Variants in NCAPD3 observed in about 807,000 individuals in gnomAD.
NCAPD3 encodes condensin-2 complex subunit D3.
A neutral mutation model predicts 182.9 loss-of-function variants in NCAPD3; 105 were observed. The ratio of observed to expected loss-of-function variants is 0.57; its 90% confidence interval spans 0.49 to 0.68. The LOEUF is 0.68. Among genes scored for constraint, NCAPD3 ranks in the 30% least tolerant of loss-of-function variants. The probability of loss-of-function intolerance (pLI) is 0.00; values close to 1 mark genes in which losing one functional copy is unlikely to be tolerated. For missense variants in NCAPD3, 1,944 were observed against 1,837.0 expected (o/e 1.06, Z -1.07); for synonymous variants, 815 against 679.9 (o/e 1.20, Z -3.09).
Position 134,159,964 on chromosome 11 carries a change from C to G in NCAPD3, c.3795G>C (p.Gln1265His). The change falls in exon 29 of 35, where the codon CAG becomes CAC. Residue 1265 changes from glutamine (Q) to histidine (H), a missense_variant. This residue lies in a region of NCAPD3 where 1,803 missense variants were observed against 1,674.6 expected (regional missense o/e 1.08). Coordinates refer to ENST00000534548, the MANE Select transcript of NCAPD3 (RefSeq NM_015261.3). ...CTGCATGTTTTGCTAGCTCCTGCTCCTGGACCAGCTGTTCCTGGTACTTCT... is the reference window on the plus strand; with the variant it reads ...CTGCATGTTTTGCTAGCTCCTGCTCGTGGACCAGCTGTTCCTGGTACTTCT... The part of the protein sequence containing the change: ...DMKKYQEQLV[Q>H]EQELAKHADV... 6.2e-7 allele frequency: 1 copy of G among 1,614,140 alleles called. No homozygotes were observed. Among genetic ancestry groups the G allele is most frequent in the Non-Finnish European group, 8.5e-7 (1 of 1,180,040 alleles).
intron 22 of NCAPD3, 171 bp from the exon 23 acceptor site, chr11:134,177,628 T>G: frequency 1.6e-6 from 1 of 608,100 alleles, no homozygotes; most frequent in South Asian, 2.1e-5. Context: ...TCTTGAATAG[T>G]CGAATAAAAA....
intron 7 of NCAPD3, among the ~76,000 whole-genome samples, chr11:134,207,333 A>G (rs1937638327): frequency 6.6e-6 from 1 of 152,178 alleles, no homozygotes; most frequent in African/African-American, 2.4e-5. Context: ...CAGGACATGT[A>G]TAATTTCCAC....
chr11:134,191,811 AATGAG>A (rs1471280527), intron 16 of NCAPD3, among the ~76,000 whole-genome samples: 1 of 152,192 alleles, frequency 6.6e-6, no homozygotes, highest in African/African-American at 2.4e-5. Context: ...GCATATACTT[AATGAG>A]ATATCTTGGG....
At chr11:134,158,647 C>T in intron 29 of NCAPD3, 152 bp from the exon 30 acceptor site, 1 of 766,322 alleles carries the variant, frequency 1.3e-6, no homozygotes, top group East Asian at 2.7e-5. Context: ...GCATCTCCAT[C>T]ACCTCAAACG....
chr11:134,216,394 G>C (rs1938023218), intron 3 of NCAPD3, among the ~76,000 whole-genome samples: 1 of 152,198 alleles, frequency 6.6e-6, no homozygotes. Flanking sequence ...GTAGGGAAGA[G>C]AATGGATTTC....
chr11:134,224,284 C>T (rs910443207), upstream of NCAPD3: 11 of 355,888 alleles, frequency 3.1e-5, no homozygotes, highest in Non-Finnish European at 5.2e-5. Flanking sequence ...TAGTAACTGT[C>T]ACCTTTGCCC....
At chr11:134,153,449 G>T in intron 32 of NCAPD3, 86 bp from the exon 33 acceptor site, 2 of 1,381,728 alleles carry the variant, frequency 1.4e-6, no homozygotes, top group Non-Finnish European at 2.1e-6. Flanking sequence ...CGTAGGCAGG[G>T]TGTCCACATC....
Position 134,168,979 on chromosome 11 carries a change from A to G in NCAPD3, c.3177T>C (p.Cys1059=). Residue 1059 remains cysteine (C), a synonymous_variant, in exon 25 of 35, where the codon TGT becomes TGC. Transcript: ENST00000534548. ...TCTCATAGTTATTAAAGTGAAAAAT[A>G]CATTCAATGAAGTGTTGGAAGAACA... The part of the protein sequence containing the change: ...PVMFFQHFIE[C]IFHFNNYEKH... 15 of 1,614,034 alleles carry G rather than the reference A, an allele frequency of 9.3e-6. No individual in the cohort carries two copies. Among genetic ancestry groups the G allele is most frequent in the Non-Finnish European group, 1.2e-5 (14 of 1,179,900 alleles).
At chr11:134,216,618 T>C (rs968620064) in intron 3 of NCAPD3, among the ~76,000 whole-genome samples, 1 of 152,096 alleles carries the variant, frequency 6.6e-6, no homozygotes, top group African/African-American at 2.4e-5. Flanking sequence ...AGACAAGGAA[T>C]CATGAGAAGA....
chr11:134,183,584 G>C (rs1166636256), intron 19 of NCAPD3, among the ~76,000 whole-genome samples: 1 of 151,986 alleles, frequency 6.6e-6, no homozygotes, highest in Non-Finnish European at 1.5e-5. Flanking sequence ...AAAAATAAAA[G>C]TTTGTCATAT....
intron 22 of NCAPD3, 40 bp from the exon 23 acceptor site, chr11:134,177,497 A>C (rs1944198921): frequency 6.4e-7 from 1 of 1,556,918 alleles, no homozygotes; most frequent in Admixed American, 1.7e-5. Context: ...CTGTATTCTA[A>C]ATCCTAATTC....
rs1337376777 is a variant in NCAPD3 at position 134,150,536 on chromosome 11, A to G, written c.*2408T>C. On this transcript the variant is annotated 3_prime_UTR_variant, in exon 35 of 35. Coordinates refer to ENST00000534548, the MANE Select transcript of NCAPD3 (RefSeq NM_015261.3). ...CATCCAGCACAGCTCTCAGGTGGGC[A>G]CTGCAGGGACACTGGTGTCTTCCAT... The G allele has an allele frequency of 1.3e-5, 2 of 152,086 alleles. No homozygotes were observed. The highest frequency in any genetic ancestry group is 2.9e-5 in the Non-Finnish European group (2 of 68,030). The allele number at this position is 152,086 out of a possible 1,614,324, so 9.4% of individuals were successfully genotyped here.
intron 16 of NCAPD3, among the ~76,000 whole-genome samples, chr11:134,189,423 C>T (rs1031710523): frequency 4.6e-5 from 7 of 152,184 alleles, no homozygotes; most frequent in Non-Finnish European, 7.4e-5. Context: ...TTTAACGTTA[C>T]ACATTTCCTT....
Position 134,209,312 on chromosome 11 carries a change from C to T in NCAPD3, c.732+1G>A. On this transcript the variant is annotated splice_donor_variant, in intron 5 of 34. Transcript: ENST00000534548. LOFTEE classifies it high-confidence loss of function. ...CTAAGGTTCCTGGAATTTTCACTTA[C>T]CTCTATACAATTCTGTACACATTGT... 1 of 1,612,200 alleles carries T rather than the reference C, an allele frequency of 6.2e-7. No homozygotes were observed. Among genetic ancestry groups the T allele is most frequent in the Non-Finnish European group, 8.5e-7 (1 of 1,179,488 alleles).
At chr11:134,184,845 ACAC>A (rs1161668231) in intron 18 of NCAPD3, 55 bp downstream of exon 18, 3 of 1,336,620 alleles carry the variant, frequency 2.2e-6, no homozygotes, top group Non-Finnish European at 3.2e-6. Context: ...ACACACACAC[ACAC>A]ACCTGAAATG....
intron 13 of NCAPD3, 42 bp from the exon 14 acceptor site, chr11:134,194,780 G>T (rs12573858): frequency 0.097 from 135,562 of 1,399,810 alleles, 7,040 homozygotes; most frequent in Admixed American, 0.12. Flanking sequence ...CTGGAGAAAA[G>T]TCACACAGCA....
chr11:134,203,817 A>G lies in NCAPD3; in HGVS notation c.1305T>C (p.His435=). The part of the protein sequence containing the change: ...REVDNTLSLE[H]QKFLKHKFLV... ...GGAACTTATGCTTTAAGAACTTCTG[A>G]TGCTCCAAGGAGAGGGTGTTATCCA... The change falls in exon 11 of 35, where the codon CAT becomes CAC. Residue 435 remains histidine (H), a synonymous_variant. Coordinates refer to ENST00000534548, the MANE Select transcript of NCAPD3 (RefSeq NM_015261.3). 1.2e-6 allele frequency: 2 copies of G among 1,614,170 alleles called. No individual in the cohort carries two copies. Among genetic ancestry groups the G allele is most frequent in the South Asian group, 1.1e-5 (1 of 91,084 alleles).
intron 32 of NCAPD3, 157 bp downstream of exon 32, chr11:134,156,861 G>T: frequency 1.6e-6 from 1 of 622,938 alleles, no homozygotes; most frequent in Non-Finnish European, 2.8e-6. Flanking sequence ...TCAAGCGACC[G>T]TGGTCACTGT....
At chr11:134,195,405 C>T (rs1453344548) in intron 13 of NCAPD3, among the ~76,000 whole-genome samples, 1 of 152,066 alleles carries the variant, frequency 6.6e-6, no homozygotes, top group African/African-American at 2.4e-5. Context: ...AGCCTTGAGG[C>T]TTCTTTATAT....
Sources: gnomAD v4.1 joint callset for allele counts (sites outside exome capture counted in the v4.1 genomes callset) on GRCh38, gnomAD v4.1.1 for gene constraint, gnomAD v4.1.1 regional missense constraint, MANE v1.5 for transcripts, NCBI Gene and HGNC (gene_info 2026-07-23, HGNC 2026-07-21) for gene names.